Variants in TTLL7 observed in about 807,000 individuals in gnomAD.
TTLL7 encodes the protein tubulin tyrosine ligase like 7.
Under a neutral mutation model 120.2 loss-of-function variants are expected in TTLL7, and 53 were observed. That is an observed-to-expected ratio of 0.44 (90% CI 0.35 to 0.55). The LOEUF is 0.55. TTLL7 is among the 20% of genes least tolerant of loss of function. TTLL7 has a pLI of 0.00. For missense variants in TTLL7, 803 were observed against 1,054.7 expected, an observed-to-expected ratio of 0.76 and a Z score of 3.31; for synonymous variants, 353 against 351.7, an observed-to-expected ratio of 1.00 and a Z score of -0.04.
chr1:83,930,994 T>C (rs1207881905), intron 9 of TTLL7, among the ~76,000 whole-genome samples: 2 of 151,040 alleles, frequency 1.3e-5, no homozygotes, highest in East Asian at 3.9e-4. Context: ...TCATTCAGGG[T>C]TGTTCTTGTT....
In TTLL7 at chr1:83,990,989, C is replaced by T. The variant is rs192380603; in HGVS notation, c.-177+7942G>A. ...AATGGATAAACAAATGTGGTACATA[C>T]TTATAACGGAATAGTATTCAGCTTT... On this transcript the variant is annotated intron_variant, in intron 1 of 20. Coordinates refer to ENST00000260505, the MANE Select transcript of TTLL7 (RefSeq NM_024686.6). Among the ~76,000 whole-genome samples, 632 of 152,278 alleles carry T rather than the reference C, an allele frequency of 4.2e-3. 3 individuals are homozygous for T. Among genetic ancestry groups the T allele is most frequent in the Middle Eastern group, 0.031 (9 of 294 alleles).
Position 83,875,046 on chromosome 1 carries a change from TACATAAA to T in TTLL7, c.2544-4971_2544-4965del, listed in dbSNP as rs367671403. Among the ~76,000 whole-genome samples, 799 of 151,990 alleles carry T rather than the reference TACATAAA, an allele frequency of 5.3e-3. 4 individuals carry two copies. The highest frequency in any genetic ancestry group is 0.018 in the African/African-American group (763 of 41,526). On this transcript the variant is annotated intron_variant, in intron 20 of 20. Coordinates refer to ENST00000260505, the MANE Select transcript of TTLL7 (RefSeq NM_024686.6). ...ATAAAGTATAAGGTATTTTAAAAAG[TACATAAA>T]ACATAAATGTTCCATTGAATGAGTA...
chr1:83,975,500 A>C (rs1477111727), intron 1 of TTLL7, among the ~76,000 whole-genome samples: 1 of 152,008 alleles, frequency 6.6e-6, no homozygotes, highest in African/African-American at 2.4e-5. Context: ...AACCTTTGTA[A>C]ACAGATGTGT....
chr1:83,975,411 A>G (rs1047886228), intron 1 of TTLL7, among the ~76,000 whole-genome samples: 3 of 152,084 alleles, frequency 2.0e-5, no homozygotes, highest in African/African-American at 7.2e-5. Flanking sequence ...TATTAGTTCT[A>G]TTTTACAGAT....
At chr1:83,906,231 G>A in intron 17 of TTLL7, 98 bp downstream of exon 17, 1 of 998,060 alleles carries the variant, frequency 1.0e-6, no homozygotes, top group South Asian at 1.5e-5. Flanking sequence ...AATTTACTAT[G>A]TCACTGAGCA....
chr1:83,965,690 T>C (rs540497469), intron 1 of TTLL7, among the ~76,000 whole-genome samples: 59 of 152,184 alleles, frequency 3.9e-4, no homozygotes, highest in Non-Finnish European at 5.9e-4. Flanking sequence ...TTGAAGGGAA[T>C]ATACAGTGTA....
rs1648316699 is a variant in TTLL7, at chr1:83,944,773, A to G, written c.507-2094T>C. 2.0e-5 allele frequency among the ~76,000 whole-genome samples: 3 copies of G among 152,174 alleles called. No homozygotes were observed. In the South Asian group the frequency reaches 6.2e-4, roughly 32 times the overall value. ...CAGTTTTTAACTCCTCATTTTTCCT[A>G]ATGAATTAAAAGACAACTGCATAAA... On this transcript the variant is annotated intron_variant, in intron 6 of 20. Transcript: ENST00000260505.
At chr1:83,948,956 A>G (rs1648768254) in intron 4 of TTLL7, 2 of 285,156 alleles carry the variant, frequency 7.0e-6, no homozygotes, top group Non-Finnish European at 1.3e-5. Flanking sequence ...TCTAGGTTGA[A>G]TAGTGATAAT....
chr1:83,991,643 C>G (rs1407610486), intron 1 of TTLL7, among the ~76,000 whole-genome samples: 1 of 151,354 alleles, frequency 6.6e-6, no homozygotes, highest in Non-Finnish European at 1.5e-5. Context: ...GACCTTGTCT[C>G]AAAAAAGAAA....
intron 1 of TTLL7, among the ~76,000 whole-genome samples, chr1:83,973,947 G>T (rs12138857): frequency 0.042 from 6,333 of 152,002 alleles, 156 homozygotes; most frequent in Middle Eastern, 0.099. Context: ...CTTGACCAGG[G>T]TTATGCTTAT....
At chr1:83,952,700 G>A (rs1649169225) in intron 1 of TTLL7, among the ~76,000 whole-genome samples, 1 of 152,076 alleles carries the variant, frequency 6.6e-6, no homozygotes, top group Admixed American at 6.6e-5. Context: ...TATTATCTTA[G>A]GCATTTATAT....
intron 1 of TTLL7, among the ~76,000 whole-genome samples, chr1:83,953,304 T>A (rs778178952): frequency 1.3e-5 from 2 of 152,182 alleles, no homozygotes; most frequent in Non-Finnish European, 2.9e-5. Flanking sequence ...GTAAGAATCC[T>A]TCAGTTCTTG....
intron 1 of TTLL7, among the ~76,000 whole-genome samples, chr1:83,961,397 G>A (rs1023873202): frequency 6.6e-6 from 1 of 152,056 alleles, no homozygotes; most frequent in Admixed American, 6.6e-5. Flanking sequence ...CAAATGTATA[G>A]TATGTGTAAT....
chr1:83,894,481 A>G (rs988980887), intron 18 of TTLL7, among the ~76,000 whole-genome samples: 3 of 152,138 alleles, frequency 2.0e-5, no homozygotes, highest in Non-Finnish European at 2.9e-5. Flanking sequence ...CGCCTGCTCT[A>G]TGCAAAACAC....
At chr1:83,985,789 T>C (rs1652387587) in intron 1 of TTLL7, among the ~76,000 whole-genome samples, 1 of 152,134 alleles carries the variant, frequency 6.6e-6, no homozygotes, top group Non-Finnish European at 1.5e-5. Flanking sequence ...ATAACTTTAC[T>C]GTTATGAATT....
chr1:83,979,345 T>G (rs113283115), intron 1 of TTLL7: 1 of 152,120 alleles, frequency 6.6e-6, no homozygotes, highest in African/African-American at 2.4e-5. Flanking sequence ...ACAGGACCAG[T>G]TGAGTCAGGA....
At chr1:83,985,988 A>G (rs866357973) in intron 1 of TTLL7, among the ~76,000 whole-genome samples, 7 of 152,210 alleles carry the variant, frequency 4.6e-5, no homozygotes, top group South Asian at 2.1e-4. Context: ...CAAACACTCA[A>G]TGAAGAATTA....
At chr1:83,885,851 T>TA (rs34475430) in intron 19 of TTLL7, among the ~76,000 whole-genome samples, 1 of 151,904 alleles carries the variant, frequency 6.6e-6, no homozygotes, top group Non-Finnish European at 1.5e-5. Context: ...TGAAGGGAGG[T>TA]AAAAATAGTT....
intron 1 of TTLL7, among the ~76,000 whole-genome samples, chr1:83,993,611 G>GA (rs1653201957): frequency 6.6e-6 from 1 of 152,156 alleles, no homozygotes; most frequent in Non-Finnish European, 1.5e-5. Flanking sequence ...ATGCCCAGTG[G>GA]ACCAACAATC....
Sources: allele counts gnomAD v4.1 joint callset (sites outside exome capture counted in the v4.1 genomes callset), GRCh38; gene constraint gnomAD v4.1.1; transcripts MANE v1.5; gene names NCBI Gene and HGNC (gene_info 2026-07-23, HGNC 2026-07-21).